The following SLC35F1 variants were observed in gnomAD, a reference collection of about 807,000 sequenced individuals.
SLC35F1 encodes solute carrier family 35 member F1.
A neutral mutation model predicts 48.7 loss-of-function variants in SLC35F1; 14 were observed. The ratio of observed to expected loss-of-function variants is 0.29; its 90% CI spans 0.19 to 0.45. The LOEUF (loss-of-function observed/expected upper bound fraction) is 0.45. Among genes scored for constraint, SLC35F1 ranks in the 20% least tolerant of loss-of-function variants. The pLI, the probability that SLC35F1 is intolerant of heterozygous loss-of-function variation, is 1.00. For synonymous variants in SLC35F1, 190 were observed against 202.2 expected (o/e 0.94, Z 0.51); for missense variants, 404 against 500.0 (o/e 0.81, Z 1.83).
In SLC35F1 at chr6:118,135,060, G is replaced by A. The variant is rs140139369; in HGVS notation, c.174-19385G>A. On this transcript the variant is annotated intron_variant, in intron 1 of 7. Coordinates refer to ENST00000360388, the MANE Select transcript of SLC35F1 (RefSeq NM_001029858.4). ...AGAACAAGGACGTCACGTTTCTATG[G>A]GCTTATGAGTAAAACATCCTCCTCT... is the stretch of plus-strand genomic sequence containing the variant. 2.6e-5 allele frequency among the ~76,000 whole-genome samples: 4 copies of A among 152,216 alleles called. No homozygotes were observed. In the East Asian group the frequency reaches 7.7e-4, roughly 29 times the overall value.
chr6:118,216,629 A>G (rs1268444327), intron 2 of SLC35F1, among the ~76,000 whole-genome samples: 1 of 152,004 alleles, frequency 6.6e-6, no homozygotes, highest in Non-Finnish European at 1.5e-5. Flanking sequence ...CATTATAAGA[A>G]TTGACTATAT....
intron 1 of SLC35F1, among the ~76,000 whole-genome samples, chr6:118,089,221 G>A (rs1337130759): frequency 2.0e-5 from 3 of 152,144 alleles, no homozygotes; most frequent in Non-Finnish European, 4.4e-5. Context: ...GAAGACTCAG[G>A]ATGAGGGCCA....
chr6:118,197,931 G>C (rs1239113611), intron 2 of SLC35F1, among the ~76,000 whole-genome samples: 2 of 152,022 alleles, frequency 1.3e-5, no homozygotes, highest in Non-Finnish European at 2.9e-5. Flanking sequence ...GGCCTCTTTT[G>C]GGTCCTAAAA....
At chr6:117,993,450 G>A (rs369421335) in intron 1 of SLC35F1, among the ~76,000 whole-genome samples, 12 of 151,826 alleles carry the variant, frequency 7.9e-5, no homozygotes, top group South Asian at 2.1e-4. Flanking sequence ...GTAAATATTC[G>A]TTCATTTAAA....
intron 1 of SLC35F1, among the ~76,000 whole-genome samples, chr6:117,944,592 T>TACACACACACAC (rs60520269): frequency 1.4e-4 from 19 of 135,898 alleles, no homozygotes; most frequent in African/African-American, 5.1e-4. Flanking sequence ...CACATACACA[T>TACACACACACAC]ACACACACAC....
chr6:118,097,925 A>T (rs1379236625), intron 1 of SLC35F1, among the ~76,000 whole-genome samples: 1 of 152,168 alleles, frequency 6.6e-6, no homozygotes, highest in Non-Finnish European at 1.5e-5. Flanking sequence ...TTTATTTCTT[A>T]AGCAGTATGT....
At chr6:118,197,793 T>C (rs991547776) in intron 2 of SLC35F1, among the ~76,000 whole-genome samples, 5 of 152,128 alleles carry the variant, frequency 3.3e-5, no homozygotes, top group African/African-American at 1.2e-4. Context: ...AAATCACTGC[T>C]TTACATTTGA....
intron 1 of SLC35F1, among the ~76,000 whole-genome samples, chr6:118,026,582 G>C (rs915713158): frequency 1.1e-4 from 17 of 152,076 alleles, no homozygotes; most frequent in African/African-American, 4.1e-4. Flanking sequence ...AAATTTTGCA[G>C]TTTAAATTTT....
intron 1 of SLC35F1, among the ~76,000 whole-genome samples, chr6:118,093,682 C>T (rs1773109132): frequency 6.6e-6 from 1 of 152,170 alleles, no homozygotes; most frequent in South Asian, 2.1e-4. Flanking sequence ...TTATAAATTA[C>T]CCAGTCTCAG....
intron 1 of SLC35F1, among the ~76,000 whole-genome samples, chr6:117,988,273 A>C (rs959854174): frequency 6.6e-6 from 1 of 152,164 alleles, no homozygotes; most frequent in Non-Finnish European, 1.5e-5. Context: ...AATTATTTTA[A>C]CCTGAGGTTG....
intron 4 of SLC35F1, 50 bp downstream of exon 4, chr6:118,267,204 AG>A: frequency 6.2e-7 from 1 of 1,602,498 alleles, no homozygotes; most frequent in Non-Finnish European, 8.5e-7. Flanking sequence ...GGTGAGGCCA[AG>A]GCAAGAAATG....
intron 1 of SLC35F1, among the ~76,000 whole-genome samples, chr6:118,016,101 T>A (rs979613608): frequency 1.3e-5 from 2 of 152,206 alleles, no homozygotes; most frequent in Non-Finnish European, 2.9e-5. Context: ...CAGGCACCCA[T>A]TCTCTAGTTT....
intron 1 of SLC35F1, among the ~76,000 whole-genome samples, chr6:118,098,308 AAC>A (rs1773207599): frequency 6.6e-6 from 1 of 152,204 alleles, no homozygotes; most frequent in African/African-American, 2.4e-5. Context: ...CAGAATACGT[AAC>A]CCATAAATGG....
chr6:118,143,795 T>C (rs1021121071), intron 1 of SLC35F1, among the ~76,000 whole-genome samples: 3 of 152,218 alleles, frequency 2.0e-5, no homozygotes, highest in African/African-American at 7.2e-5. Flanking sequence ...AACCACCTTA[T>C]TTAATCCTCA....
chr6:117,976,539 G>A (rs1776707889), intron 1 of SLC35F1, among the ~76,000 whole-genome samples: 1 of 152,034 alleles, frequency 6.6e-6, no homozygotes, highest in Admixed American at 6.6e-5. Flanking sequence ...ATAAAGAGTT[G>A]CAGTACACAA....
At chr6:118,238,787 A>C (rs1286492692) in intron 3 of SLC35F1, among the ~76,000 whole-genome samples, 2 of 152,182 alleles carry the variant, frequency 1.3e-5, no homozygotes, top group Non-Finnish European at 2.9e-5. Flanking sequence ...GAATGCTGTG[A>C]GTTAATTGGC....
intron 1 of SLC35F1, among the ~76,000 whole-genome samples, chr6:118,016,335 G>A (rs1328754385): frequency 2.0e-5 from 3 of 152,136 alleles, no homozygotes; most frequent in Non-Finnish European, 4.4e-5. Context: ...GGGGCAAACG[G>A]CATGCCAAAT....
intron 1 of SLC35F1, among the ~76,000 whole-genome samples, chr6:118,034,109 G>A (rs1190410205): frequency 6.6e-6 from 1 of 152,050 alleles, no homozygotes; most frequent in Non-Finnish European, 1.5e-5. Context: ...CCATAAACTT[G>A]TTATCCTAGC....
intron 1 of SLC35F1, among the ~76,000 whole-genome samples, chr6:117,948,761 AG>A (rs1283404014): frequency 6.6e-6 from 1 of 152,172 alleles, no homozygotes; most frequent in African/African-American, 2.4e-5. Context: ...ACTATTGAGA[AG>A]GGATTCGTTA....
Sources: allele counts gnomAD v4.1 joint callset (sites outside exome capture counted in the v4.1 genomes callset), GRCh38; gene constraint gnomAD v4.1.1; transcripts MANE v1.5; gene names NCBI Gene and HGNC (gene_info 2026-07-23, HGNC 2026-07-21).